EYS: variants seen among roughly 807,000 people sequenced by gnomAD.
The protein encoded by EYS is EGF-like photoreceptor maintenance factor.
EYS carries 250 observed loss-of-function variants against 282.1 expected under a neutral mutation model. The ratio of observed to expected loss-of-function variants is 0.89; its 90% CI spans 0.80 to 0.98. The LOEUF (loss-of-function observed/expected upper bound fraction) is 0.98, where lower values mean the gene tolerates loss of function less well. EYS is among the 50% of genes least tolerant of loss of function. The probability of loss-of-function intolerance (pLI) is 0.00; values close to 1 mark genes in which losing one functional copy is unlikely to be tolerated. For missense variants in EYS, 4,016 were observed against 3,709.0 expected, an observed-to-expected ratio of 1.08 and a Z score of -2.15; for synonymous variants, 1,355 against 1,282.9, an observed-to-expected ratio of 1.06 and a Z score of -1.20.
chr6:65,156,539 T>G (rs928022710), intron 12 of EYS, among the ~76,000 whole-genome samples: 1 of 151,048 alleles, frequency 6.6e-6, no homozygotes, highest in African/African-American at 2.4e-5. Context: ...GACCATATAA[T>G]CATTGCTGAA....
intron 26 of EYS, among the ~76,000 whole-genome samples, chr6:64,571,384 A>C (rs1367379133): frequency 3.3e-5 from 5 of 152,206 alleles, no homozygotes; most frequent in Non-Finnish European, 7.3e-5. Context: ...AGTAAGAGCA[A>C]ACAAATTCAA....
At chr6:65,387,150 C>T (rs897017565) in intron 7 of EYS, among the ~76,000 whole-genome samples, 1 of 152,018 alleles carries the variant, frequency 6.6e-6, no homozygotes, top group Non-Finnish European at 1.5e-5. Flanking sequence ...ATAAAGCCAA[C>T]ATTCATTAGT....
At chr6:65,189,676 G>A (rs1321061280) in intron 12 of EYS, among the ~76,000 whole-genome samples, 3 of 151,678 alleles carry the variant, frequency 2.0e-5, no homozygotes, top group Non-Finnish European at 4.4e-5. Flanking sequence ...CCCTGGTAAT[G>A]CACCTTCTTA....
chr6:65,669,595 C>G (rs1406445066), intron 1 of EYS, among the ~76,000 whole-genome samples: 1 of 152,034 alleles, frequency 6.6e-6, no homozygotes, highest in African/African-American at 2.4e-5. Context: ...CACCTATACA[C>G]AGACAACTAT....
intron 29 of EYS, among the ~76,000 whole-genome samples, chr6:64,365,213 G>A (rs1772147628): frequency 1.3e-5 from 2 of 151,978 alleles, no homozygotes; most frequent in African/African-American, 4.8e-5. Flanking sequence ...GCTAGCAAAT[G>A]AGAGAAAAAA....
chr6:65,381,392 C>G (rs1214422228), intron 8 of EYS, among the ~76,000 whole-genome samples: 1 of 152,042 alleles, frequency 6.6e-6, no homozygotes, highest in Admixed American at 6.6e-5. Flanking sequence ...CACATGTTCT[C>G]ACTCATAAGT....
At chr6:64,395,166 A>T (rs1425050850) in intron 28 of EYS, among the ~76,000 whole-genome samples, 1 of 152,002 alleles carries the variant, frequency 6.6e-6, no homozygotes, top group Non-Finnish European at 1.5e-5. Flanking sequence ...AAATAGGAAC[A>T]CTTTTACACT....
intron 35 of EYS, among the ~76,000 whole-genome samples, chr6:63,955,430 C>G (rs1328327396): frequency 6.6e-6 from 1 of 152,164 alleles, no homozygotes; most frequent in Non-Finnish European, 1.5e-5. Context: ...TACTTTCACC[C>G]TGATGAAGTC....
intron 42 of EYS, among the ~76,000 whole-genome samples, chr6:63,725,205 G>A (rs949609675): frequency 6.6e-6 from 1 of 152,018 alleles, no homozygotes; most frequent in Admixed American, 6.6e-5. Context: ...GTGTCTGATG[G>A]CATAAAAAAG....
intron 12 of EYS, among the ~76,000 whole-genome samples, chr6:65,083,726 A>G (rs1317491253): frequency 6.6e-6 from 1 of 151,972 alleles, no homozygotes; most frequent in South Asian, 2.1e-4. Context: ...GAACCAAAAA[A>G]ATATTCCTTT....
At chr6:63,758,191 C>T (rs1450505946) in intron 41 of EYS, among the ~76,000 whole-genome samples, 1 of 152,200 alleles carries the variant, frequency 6.6e-6, no homozygotes, top group Non-Finnish European at 1.5e-5. Flanking sequence ...GCATGAGCTA[C>T]TGCACCTGGC....
chr6:65,470,377 G>C (rs924229324), intron 5 of EYS, among the ~76,000 whole-genome samples: 2 of 152,034 alleles, frequency 1.3e-5, no homozygotes, highest in African/African-American at 4.8e-5. Flanking sequence ...TGCCCAACAT[G>C]TAGCAAGTAC....
chr6:64,635,638 G>A (rs570538466), intron 22 of EYS, among the ~76,000 whole-genome samples: 239 of 152,242 alleles, frequency 1.6e-3, no homozygotes, highest in African/African-American at 5.2e-3. Flanking sequence ...ATTGATTTGC[G>A]TATATTGAAC....
At chr6:64,428,089 A>G (rs545455028) in intron 28 of EYS, among the ~76,000 whole-genome samples, 15 of 152,270 alleles carry the variant, frequency 9.9e-5, no homozygotes, top group African/African-American at 3.4e-4. Flanking sequence ...CAACTGGATC[A>G]TAATACAAGT....
chr6:64,091,333 C>A (rs1772352222), intron 31 of EYS, among the ~76,000 whole-genome samples: 1 of 152,008 alleles, frequency 6.6e-6, no homozygotes, highest in Non-Finnish European at 1.5e-5. Context: ...TGGTTATGTC[C>A]TTATTTTATC....
chr6:64,924,561 A>T (rs1328073602), intron 15 of EYS, among the ~76,000 whole-genome samples: 1 of 152,196 alleles, frequency 6.6e-6, no homozygotes, highest in Non-Finnish European at 1.5e-5. Context: ...TCAGGCTGCA[A>T]ATTTTCCAAA....
intron 12 of EYS, among the ~76,000 whole-genome samples, chr6:65,234,772 G>A (rs184856063): frequency 6.4e-4 from 98 of 152,296 alleles, no homozygotes; most frequent in African/African-American, 2.2e-3. Context: ...ATAATATGGA[G>A]ATGCCTCTGT....
intron 26 of EYS, among the ~76,000 whole-genome samples, chr6:64,545,057 G>A (rs145821548): frequency 6.6e-6 from 1 of 152,230 alleles, no homozygotes; most frequent in African/African-American, 2.4e-5. Context: ...GCCTAGCAGA[G>A]ACACAACAAA....
At chr6:64,218,531 C>G (rs927692466) in intron 31 of EYS, among the ~76,000 whole-genome samples, 6 of 152,170 alleles carry the variant, frequency 3.9e-5, no homozygotes, top group Admixed American at 3.9e-4. Context: ...TTTCATTTCT[C>G]TGGCTCTACT....
Sources: allele counts gnomAD v4.1 joint callset (sites outside exome capture counted in the v4.1 genomes callset), GRCh38; gene constraint gnomAD v4.1.1; transcripts MANE v1.5; gene names NCBI Gene and HGNC (gene_info 2026-07-23, HGNC 2026-07-21).